Variants in CELF2 observed in about 807,000 individuals in gnomAD.
CELF2 encodes CUG triplet repeat RNA-binding protein 2.
A neutral mutation model predicts 62.6 loss-of-function variants in CELF2; 8 were observed. The ratio of observed to expected loss-of-function variants is 0.13; its 90% CI spans 0.07 to 0.23. CELF2 has a LOEUF of 0.23. CELF2 is among the 10% of genes least tolerant of loss of function. The pLI is 1.00. For missense variants in CELF2, 333 were observed against 671.0 expected, an observed-to-expected ratio of 0.50 and a Z score of 5.56; for synonymous variants, 258 against 250.0, an observed-to-expected ratio of 1.03 and a Z score of -0.30.
intron 2 of CELF2, among the ~76,000 whole-genome samples, chr10:10,941,962 C>T (rs1249519756): frequency 1.3e-5 from 2 of 149,226 alleles, no homozygotes; most frequent in Non-Finnish European, 3.0e-5. Context: ...GCACTTCACT[C>T]CAGCCTGGGT....
At chr10:10,781,708 A>C in the CELF2 span, among the ~76,000 whole-genome samples, 2 of 152,200 alleles carry the variant, frequency 1.3e-5, no homozygotes, top group Non-Finnish European at 2.9e-5. Flanking sequence ...TCAGTAGCCT[A>C]GGTGTGTATT....
At chr10:11,295,865 G>T (rs2093111925) in intron 9 of CELF2, among the ~76,000 whole-genome samples, 1 of 152,164 alleles carries the variant, frequency 6.6e-6, no homozygotes, top group African/African-American at 2.4e-5. Flanking sequence ...GGTTTTGAGG[G>T]CCCCTTGTGT....
chr10:10,726,477 A>C, the CELF2 span, among the ~76,000 whole-genome samples: 1 of 152,180 alleles, frequency 6.6e-6, no homozygotes, highest in East Asian at 1.9e-4. Flanking sequence ...AAGAAAACCC[A>C]CCATATCGTT....
chr10:11,280,013 C>G lies in CELF2; in HGVS notation c.841+4893C>G, dbSNP rs1178714127. 2.0e-5 allele frequency among the ~76,000 whole-genome samples: 3 copies of G among 152,148 alleles called. No individual in the cohort carries two copies. Among genetic ancestry groups the G allele is most frequent in the Non-Finnish European group, 4.4e-5 (3 of 68,034 alleles). On this transcript the variant is annotated intron_variant, in intron 8 of 12. Transcript: ENST00000633077. This position sits in a 1 kb window ranked among gnomAD's most constrained non-coding sequence, Gnocchi z 7.6. ...CATGAAGTCAAATGCAGTTTTTCTT[C>G]TCGGAAAGGAACCGTTTGCCAAGCA...
intron 1 of CELF2, among the ~76,000 whole-genome samples, chr10:10,890,336 G>A (rs1365522728): frequency 6.6e-6 from 1 of 152,180 alleles, no homozygotes; most frequent in Admixed American, 6.5e-5. Context: ...CCCACAGACT[G>A]AGAATTAAGG....
intron 1 of CELF2, among the ~76,000 whole-genome samples, chr10:11,125,073 C>CT (rs1174569944): frequency 2.6e-5 from 4 of 152,188 alleles, no homozygotes; most frequent in South Asian, 2.1e-4. Context: ...AACCACTTAG[C>CT]TGGACCATTA....
chr10:10,737,501 T>G, the CELF2 span, among the ~76,000 whole-genome samples: 1 of 152,108 alleles, frequency 6.6e-6, no homozygotes, highest in Non-Finnish European at 1.5e-5. Context: ...ATGACTTTCC[T>G]CTCCTGTTTG....
At chr10:10,726,920 C>T in the CELF2 span, among the ~76,000 whole-genome samples, 6 of 152,110 alleles carry the variant, frequency 3.9e-5, no homozygotes, top group Non-Finnish European at 7.4e-5. Flanking sequence ...GAGGAGGCCT[C>T]GGGAAATTTT....
rs920580657 is a variant in CELF2, at chr10:10,934,729, A to C, written c.89+14730A>C. 1.3e-5 allele frequency: 2 copies of C among 152,114 alleles called. No homozygotes were observed. Among genetic ancestry groups the C allele is most frequent in the Non-Finnish European group, 2.9e-5 (2 of 68,018 alleles). The allele number at this position is 152,114 out of a possible 1,614,324, so 9.4% of individuals were successfully genotyped here. ...ACTGAGTTCGAGAGGGTGAGGGTTG[A>C]GGGGCAGTTCTGGATGTAGAACTTG... On this transcript the variant is annotated intron_variant, in intron 2 of 13. Transcript: ENST00000636488. The surrounding 1 kb of genome is among the most constrained non-coding windows in gnomAD (Gnocchi z 4.4).
chr10:11,184,429 A>G (rs1235852265), intron 2 of CELF2, among the ~76,000 whole-genome samples: 1 of 152,190 alleles, frequency 6.6e-6, no homozygotes, highest in Non-Finnish European at 1.5e-5. Context: ...GGCAGTTTTT[A>G]CAATAAAGTC....
chr10:10,668,371 GA>G, the CELF2 span, among the ~76,000 whole-genome samples: 1 of 152,182 alleles, frequency 6.6e-6, no homozygotes, highest in African/African-American at 2.4e-5. Context: ...TGTTCTGCCA[GA>G]ATGCCCTACC....
rs1276723674 is a variant in CELF2, at chr10:11,247,628, C to G, written c.355-1525C>G. ...TGCCCGCCATCCCACCCCTGCCACA[C>G]TGAGCACCTGAAGGGAGGACCTTCT... On this transcript the variant is annotated intron_variant, in intron 3 of 12. Coordinates refer to ENST00000633077, the MANE Select transcript of CELF2 (RefSeq NM_001326342.2). The surrounding 1 kb of genome is among the most constrained non-coding windows in gnomAD (Gnocchi z 5.4). Among the ~76,000 whole-genome samples, 1 of 151,732 alleles carries G rather than the reference C, an allele frequency of 6.6e-6. No homozygotes were observed. Among genetic ancestry groups the G allele is most frequent in the African/African-American group, 2.4e-5 (1 of 41,256 alleles).
intron 2 of CELF2, chr10:11,171,112 T>G (rs559073876): frequency 6.6e-6 from 1 of 152,340 alleles, no homozygotes; most frequent in East Asian, 1.9e-4. Context: ...TATCACTACG[T>G]ACCAAAGGAA....
intron 1 of CELF2, among the ~76,000 whole-genome samples, chr10:10,808,276 G>A (rs188497347): frequency 3.5e-4 from 54 of 152,308 alleles, no homozygotes; most frequent in Non-Finnish European, 3.4e-4. Flanking sequence ...TAGGAACTTC[G>A]TGTAACTTTT....
chr10:10,979,371 A>C (rs539717166), intron 2 of CELF2, among the ~76,000 whole-genome samples: 1 of 152,156 alleles, frequency 6.6e-6, no homozygotes, highest in Non-Finnish European at 1.5e-5. Context: ...TAATAATTCT[A>C]ATAAAAATTA....
At chr10:10,900,911 T>C (rs528160958) in intron 1 of CELF2, among the ~76,000 whole-genome samples, 22 of 152,188 alleles carry the variant, frequency 1.4e-4, no homozygotes, top group Non-Finnish European at 1.9e-4. Context: ...TGGAAGTAAA[T>C]AGTATTTCTG....
At chr10:10,768,866 G>T in the CELF2 span, among the ~76,000 whole-genome samples, 20 of 152,068 alleles carry the variant, frequency 1.3e-4, no homozygotes, top group African/African-American at 4.8e-4. Context: ...GAGCCACTGC[G>T]CCTGACCCTC....
intron 2 of CELF2, among the ~76,000 whole-genome samples, chr10:10,973,447 C>T (rs1041395702): frequency 3.3e-5 from 5 of 152,162 alleles, no homozygotes; most frequent in Admixed American, 1.3e-4. Context: ...ATACCCCTCA[C>T]GCCCACCCAT....
At chr10:10,991,484 G>A (rs1306170318) in intron 2 of CELF2, among the ~76,000 whole-genome samples, 1 of 152,170 alleles carries the variant, frequency 6.6e-6, no homozygotes, top group African/African-American at 2.4e-5. Flanking sequence ...CAGATGTGGT[G>A]TCACACCTGC....
Sources: allele counts gnomAD v4.1 joint callset (sites outside exome capture counted in the v4.1 genomes callset), GRCh38; gene constraint gnomAD v4.1.1; non-coding constraint Gnocchi (gnomAD v3.1); transcripts MANE v1.5; gene names NCBI Gene and HGNC (gene_info 2026-07-23, HGNC 2026-07-21).